Variants in MTHFS observed in about 807,000 individuals in gnomAD.
The protein encoded by MTHFS is methenyltetrahydrofolate synthetase, also known as 5-formyltetrahydrofolate cyclo-ligase.
MTHFS carries 7 observed loss-of-function variants against 12.7 expected under a neutral mutation model. The observed-to-expected ratio is 0.55, with a 90% CI of 0.31 to 1.03. The LOEUF is 1.03. MTHFS is among the 50% of genes least tolerant of loss of function. MTHFS has a pLI of 0.05. For missense variants in MTHFS, 252 were observed against 258.1 expected (o/e 0.98, Z 0.16); for synonymous variants, 100 against 97.1 (o/e 1.03, Z -0.18).
intron 2 of MTHFS, 23 bp downstream of exon 2, chr15:79,889,070 C>T (rs2034427902): frequency 1.2e-6 from 2 of 1,611,080 alleles, no homozygotes; most frequent in African/African-American, 2.7e-5. Flanking sequence ...AATCTAACAA[C>T]ATCCTAACAC....
At chr15:79,877,110 G>C (rs1300536145) in intron 2 of MTHFS, 1 of 151,954 alleles carries the variant, frequency 6.6e-6, no homozygotes, top group African/African-American at 2.4e-5. Context: ...CAATGGGTTT[G>C]AGATGATGGA....
At chr15:79,879,430 C>T (rs1169073214) in intron 2 of MTHFS, among the ~76,000 whole-genome samples, 1 of 145,542 alleles carries the variant, frequency 6.9e-6, no homozygotes, top group African/African-American at 2.5e-5. Context: ...TGGGTTCAAG[C>T]AATTCTCCTG....
At chr15:79,867,418 T>C (rs1416625938) in intron 2 of MTHFS, among the ~76,000 whole-genome samples, 1 of 152,080 alleles carries the variant, frequency 6.6e-6, no homozygotes, top group African/African-American at 2.4e-5. Context: ...TTTAGGCCTC[T>C]GTATGTATAT....
At chr15:79,854,652 A>G (rs2033770152) in intron 2 of MTHFS, among the ~76,000 whole-genome samples, 1 of 152,178 alleles carries the variant, frequency 6.6e-6, no homozygotes, top group Admixed American at 6.5e-5. Context: ...GAACAAAGCT[A>G]TTTTCCTTTA....
chr15:79,875,763 T>C (rs1003103782), intron 2 of MTHFS, among the ~76,000 whole-genome samples: 3 of 152,010 alleles, frequency 2.0e-5, no homozygotes, highest in Non-Finnish European at 2.9e-5. Flanking sequence ...AAGTTCACCA[T>C]CAAGAGAGTG....
At chr15:79,863,338 T>C (rs1566990642) in intron 2 of MTHFS, among the ~76,000 whole-genome samples, 1 of 152,206 alleles carries the variant, frequency 6.6e-6, no homozygotes, top group Non-Finnish European at 1.5e-5. Context: ...GAACTAGTCA[T>C]GTTACTCCTA....
At chr15:79,884,402 A>G (rs979204954) in intron 2 of MTHFS, among the ~76,000 whole-genome samples, 1 of 152,216 alleles carries the variant, frequency 6.6e-6, no homozygotes, top group African/African-American at 2.4e-5. Context: ...AGCAGGAACC[A>G]TTGTTTGCCC....
intron 2 of MTHFS, among the ~76,000 whole-genome samples, chr15:79,868,843 AT>A (rs2141357706): frequency 6.6e-6 from 1 of 152,322 alleles, no homozygotes; most frequent in Non-Finnish European, 1.5e-5. Flanking sequence ...ACATGAGCAA[AT>A]TCATTATAAT....
chr15:79,848,937 A>C (rs1016528302), intron 2 of MTHFS, among the ~76,000 whole-genome samples: 3 of 152,254 alleles, frequency 2.0e-5, no homozygotes, highest in Non-Finnish European at 4.4e-5. Context: ...TCCTAGCATG[A>C]CATCCTCTAT....
intron 2 of MTHFS, among the ~76,000 whole-genome samples, chr15:79,856,265 T>C (rs1255801005): frequency 6.6e-6 from 1 of 152,360 alleles, no homozygotes; most frequent in East Asian, 1.9e-4. Flanking sequence ...TCTCTTATGA[T>C]GAAAAAATTT....
chr15:79,873,323 G>C (rs2034138359), intron 2 of MTHFS, among the ~76,000 whole-genome samples: 1 of 152,134 alleles, frequency 6.6e-6, no homozygotes, highest in African/African-American at 2.4e-5. Context: ...TAAAATAGAG[G>C]AGCAGGATAT....
At chr15:79,881,253 T>G (rs1027566881) in intron 2 of MTHFS, among the ~76,000 whole-genome samples, 30 of 152,214 alleles carry the variant, frequency 2.0e-4, no homozygotes, top group African/African-American at 6.8e-4. Context: ...TTAAAGACAG[T>G]TAAGTGTTCA....
chr15:79,860,636 A>G (rs1383576461), intron 2 of MTHFS, among the ~76,000 whole-genome samples: 1 of 150,230 alleles, frequency 6.7e-6, no homozygotes, highest in Non-Finnish European at 1.5e-5. Context: ...TTTAACCATT[A>G]TAACTTTTCA....
intron 2 of MTHFS, among the ~76,000 whole-genome samples, chr15:79,852,387 A>C (rs1349701754): frequency 6.6e-6 from 1 of 152,242 alleles, no homozygotes; most frequent in Non-Finnish European, 1.5e-5. Flanking sequence ...TTTTTAAAAA[A>C]CATGGTTCCC....
chr15:79,856,402 A>G (rs1356029647), intron 2 of MTHFS, among the ~76,000 whole-genome samples: 4 of 152,212 alleles, frequency 2.6e-5, no homozygotes, highest in Non-Finnish European at 5.9e-5. Flanking sequence ...TATAGATTCA[A>G]TATCTCAGAT....
intron 2 of MTHFS, among the ~76,000 whole-genome samples, chr15:79,856,220 T>C (rs1410756654): frequency 6.6e-6 from 1 of 152,110 alleles, no homozygotes; most frequent in Non-Finnish European, 1.5e-5. Flanking sequence ...CTGACTGGTA[T>C]GAGATGGTAG....
At chr15:79,894,022 G>T (rs1441810895) in intron 1 of MTHFS, among the ~76,000 whole-genome samples, 3 of 152,018 alleles carry the variant, frequency 2.0e-5, no homozygotes, top group Non-Finnish European at 4.4e-5. Flanking sequence ...GATGTTTCCA[G>T]TGATGATCCA....
intron 2 of MTHFS, among the ~76,000 whole-genome samples, chr15:79,886,564 T>A (rs1359341822): frequency 1.3e-5 from 2 of 151,712 alleles, no homozygotes; most frequent in Non-Finnish European, 2.9e-5. Flanking sequence ...AAAAAAAAAA[T>A]GAGCAACCAG....
chr15:79,877,163 T>C (rs749608687), intron 2 of MTHFS: 2 of 151,258 alleles, frequency 1.3e-5, no homozygotes, highest in Non-Finnish European at 2.9e-5. Context: ...ACAGAAATTA[T>C]CCAACGTGAA....
Sources: gnomAD v4.1 joint callset for allele counts (sites outside exome capture counted in the v4.1 genomes callset) on GRCh38, gnomAD v4.1.1 for gene constraint, MANE v1.5 for transcripts, NCBI Gene and HGNC (gene_info 2026-07-23, HGNC 2026-07-21) for gene names.